KCNJ3: variants seen among roughly 807,000 people sequenced by gnomAD.
The protein encoded by KCNJ3 is potassium inwardly rectifying channel subfamily J member 3.
In KCNJ3, 4 loss-of-function variants were observed where a neutral mutation model predicts 39.2. The observed-to-expected ratio is 0.10, with a 90% CI of 0.05 to 0.23. The LOEUF is 0.23. Among genes scored for constraint, KCNJ3 ranks in the 10% least tolerant of loss-of-function variants. The pLI is 1.00. For missense variants in KCNJ3, 276 were observed against 634.9 expected (o/e 0.43, Z 6.08); for synonymous variants, 230 against 237.4 (o/e 0.97, Z 0.29).
chr2:154,716,977 A>C (rs1685191924), intron 2 of KCNJ3, among the ~76,000 whole-genome samples: 1 of 152,224 alleles, frequency 6.6e-6, no homozygotes. Flanking sequence ...AACGAACTGA[A>C]CTAAATCAAG....
Position 154,850,343 on chromosome 2 carries a change from C to G in KCNJ3, c.920-4384C>G, listed in dbSNP as rs553345776. On this transcript the variant is annotated intron_variant, in intron 2 of 2. Transcript: ENST00000295101. Reference sequence around the variant, plus strand: ...ATTAGAATAAGAAATATAAAGCATTCTAATTCTAGAAGGAAGAATGATATG... The same window carrying G: ...ATTAGAATAAGAAATATAAAGCATTGTAATTCTAGAAGGAAGAATGATATG... Among the ~76,000 whole-genome samples the G allele has an allele frequency of 4.6e-5, 7 of 152,200 alleles. No homozygotes were observed. The South Asian group carries it at 1.4e-3, about 32-fold the overall frequency.
intron 2 of KCNJ3, among the ~76,000 whole-genome samples, chr2:154,841,051 T>C (rs1387113071): frequency 1.3e-5 from 2 of 152,368 alleles, no homozygotes; most frequent in Admixed American, 1.3e-4. Flanking sequence ...GCCCATTTAG[T>C]ATGATATTGG....
intron 2 of KCNJ3, among the ~76,000 whole-genome samples, chr2:154,793,981 A>G (rs1343616429): frequency 2.0e-5 from 3 of 151,908 alleles, no homozygotes; most frequent in African/African-American, 7.2e-5. Flanking sequence ...TGCTATTTTC[A>G]GGGACTGTTA....
intron 2 of KCNJ3, among the ~76,000 whole-genome samples, chr2:154,825,206 C>G (rs955891888): frequency 2.0e-5 from 3 of 152,150 alleles, no homozygotes; most frequent in African/African-American, 4.8e-5. Context: ...CTGTGTTTTT[C>G]CTACCTTTGG....
intron 2 of KCNJ3, among the ~76,000 whole-genome samples, chr2:154,816,467 A>G (rs998082709): frequency 3.3e-5 from 5 of 152,212 alleles, no homozygotes; most frequent in African/African-American, 4.8e-5. Flanking sequence ...ATATGAATAA[A>G]TGAAATCCCA....
At chr2:154,851,164 C>T (rs1297064972) in intron 2 of KCNJ3, among the ~76,000 whole-genome samples, 1 of 151,894 alleles carries the variant, frequency 6.6e-6, no homozygotes, top group Non-Finnish European at 1.5e-5. Flanking sequence ...ATTGCTTGAG[C>T]CCAGGGGTTT....
chr2:154,825,709 G>A lies in KCNJ3; in HGVS notation c.920-29018G>A, dbSNP rs867799830. 5.9e-4 allele frequency among the ~76,000 whole-genome samples: 90 copies of A among 151,264 alleles called. 1 individual carries two copies. Among genetic ancestry groups the A allele is most frequent in the African/African-American group, 1.9e-3 (79 of 41,244 alleles). ...TTCCCACCTCAGCATCCCAAATACC[G>A]GGGACCACAGGCATGCGCCACCACA... On this transcript the variant is annotated intron_variant, in intron 2 of 2. Transcript: ENST00000295101.
intron 2 of KCNJ3, 91 bp downstream of exon 2, chr2:154,709,910 A>T: frequency 7.1e-7 from 1 of 1,406,542 alleles, no homozygotes; most frequent in Non-Finnish European, 9.6e-7. Context: ...GGGCGAAATG[A>T]CTCAGAGTTT....
At chr2:154,786,439 T>G (rs1163091359) in intron 2 of KCNJ3, among the ~76,000 whole-genome samples, 1 of 152,168 alleles carries the variant, frequency 6.6e-6, no homozygotes, top group Non-Finnish European at 1.5e-5. Flanking sequence ...ACATACGAAA[T>G]GTATTTCAGG....
intron 2 of KCNJ3, among the ~76,000 whole-genome samples, chr2:154,818,924 T>C (rs1446662707): frequency 1.5e-5 from 1 of 67,928 alleles, no homozygotes; most frequent in Admixed American, 1.4e-4. Context: ...AAGCCTTTTT[T>C]TTTTTTTTTT....
At chr2:154,838,548 T>A (rs1391190052) in intron 2 of KCNJ3, among the ~76,000 whole-genome samples, 3 of 152,202 alleles carry the variant, frequency 2.0e-5, no homozygotes, top group Admixed American at 6.5e-5. Flanking sequence ...CACGTATGTT[T>A]TTACTGTGTG....
chr2:154,855,586 A>G lies in KCNJ3; in HGVS notation c.*273A>G, dbSNP rs896432589. Reference sequence around the variant, plus strand: ...TGCATTTAGTTTTATGGCATGATTTATATATGGCATATTTATATTGTATAT... The same window carrying G: ...TGCATTTAGTTTTATGGCATGATTTGTATATGGCATATTTATATTGTATAT... On this transcript the variant is annotated 3_prime_UTR_variant, in exon 3 of 3. Transcript: ENST00000295101. The G allele has an allele frequency of 2.9e-5, 7 of 245,596 alleles. No homozygotes were observed. Among genetic ancestry groups the G allele is most frequent in the Non-Finnish European group, 5.4e-5 (7 of 128,492 alleles). 15.2% of individuals were successfully genotyped at this position (245,596 alleles called of 1,614,324 possible). A position where few individuals can be genotyped will look rare whatever the true frequency, so the allele number is the denominator to read the frequency against.
intron 2 of KCNJ3, among the ~76,000 whole-genome samples, chr2:154,734,755 GA>G (rs1349836533): frequency 2.0e-5 from 3 of 151,962 alleles, no homozygotes; most frequent in Non-Finnish European, 4.4e-5. Flanking sequence ...GATATAGAAT[GA>G]AAAAAACATT....
chr2:154,714,991 G>A (rs1685158626), intron 2 of KCNJ3, among the ~76,000 whole-genome samples: 1 of 151,692 alleles, frequency 6.6e-6, no homozygotes, highest in South Asian at 2.1e-4. Flanking sequence ...GTAAACAGGT[G>A]ATAGTTGAGC....
intron 1 of KCNJ3, chr2:154,709,397 A>G (rs1218651523): frequency 3.4e-6 from 2 of 579,826 alleles, no homozygotes; most frequent in Admixed American, 3.1e-5. Context: ...CAAGTTGTGT[A>G]TTATAAATAA....
At chr2:154,749,898 T>C (rs1416421545) in intron 2 of KCNJ3, among the ~76,000 whole-genome samples, 1 of 151,966 alleles carries the variant, frequency 6.6e-6, no homozygotes, top group Non-Finnish European at 1.5e-5. Flanking sequence ...GGGACCCACC[T>C]GAATAATTCA....
At chr2:154,709,956 T>C in intron 2 of KCNJ3, 137 bp downstream of exon 2, 1 of 1,029,016 alleles carries the variant, frequency 9.7e-7, no homozygotes. Context: ...TTTCATTTCT[T>C]TGTAACATTA....
intron 2 of KCNJ3, among the ~76,000 whole-genome samples, chr2:154,763,196 A>G (rs1435736888): frequency 1.3e-5 from 2 of 152,202 alleles, no homozygotes; most frequent in Non-Finnish European, 2.9e-5. Flanking sequence ...TTTGTTTTAT[A>G]TGCTGCTAAC....
intron 2 of KCNJ3, among the ~76,000 whole-genome samples, chr2:154,838,821 A>G (rs1687517470): frequency 6.6e-6 from 1 of 152,226 alleles, no homozygotes. Context: ...GATGAAACAT[A>G]TGTCATTGCT....
Sources: allele counts gnomAD v4.1 joint callset (sites outside exome capture counted in the v4.1 genomes callset), GRCh38; gene constraint gnomAD v4.1.1; transcripts MANE v1.5; gene names NCBI Gene and HGNC (gene_info 2026-07-23, HGNC 2026-07-21).